STAP1: variants seen among roughly 807,000 people sequenced by gnomAD.
STAP1 encodes the protein signal transducing adaptor family member 1.
In STAP1, 30 loss-of-function variants were observed where a neutral mutation model predicts 37.8. The ratio of observed to expected loss-of-function variants is 0.79; its 90% confidence interval spans 0.59 to 1.08. The LOEUF is 1.08. Ranked by LOEUF, STAP1 falls within the 50% of genes least tolerant of loss-of-function variation. STAP1 has a pLI of 0.00. For synonymous variants in STAP1, 130 were observed against 116.0 expected, an observed-to-expected ratio of 1.12 and a Z score of -0.78; for missense variants, 357 against 349.4, an observed-to-expected ratio of 1.02 and a Z score of -0.17.
intron 8 of STAP1, among the ~76,000 whole-genome samples, chr4:67,605,201 T>C (rs964652169): frequency 1.3e-5 from 2 of 152,056 alleles, no homozygotes; most frequent in Non-Finnish European, 1.5e-5. Context: ...TCCAAGAAAG[T>C]TAGAGATAAG....
intron 5 of STAP1, 87 bp from the exon 6 acceptor site, chr4:67,583,487 C>T: frequency 7.1e-7 from 1 of 1,401,884 alleles, no homozygotes; most frequent in Middle Eastern, 2.5e-4. Flanking sequence ...AACTGCAGCT[C>T]TCAAAGTTAT....
At chr4:67,592,673 G>A (rs1024661284) in intron 7 of STAP1, among the ~76,000 whole-genome samples, 1 of 152,090 alleles carries the variant, frequency 6.6e-6, no homozygotes. Flanking sequence ...GCTAACTTGA[G>A]TCACATTTTT....
intron 4 of STAP1, among the ~76,000 whole-genome samples, chr4:67,579,528 C>A (rs190187083): frequency 1.2e-4 from 19 of 152,130 alleles, no homozygotes; most frequent in African/African-American, 4.6e-4. Flanking sequence ...CCTGGTTCTG[C>A]AGGCTGTACA....
intron 1 of STAP1, among the ~76,000 whole-genome samples, chr4:67,560,147 G>A (rs1480876387): frequency 6.6e-6 from 1 of 152,174 alleles, no homozygotes; most frequent in Non-Finnish European, 1.5e-5. Flanking sequence ...TATAATAACT[G>A]TTTATGATAG....
At chr4:67,604,887 T>G (rs900792) in intron 8 of STAP1, among the ~76,000 whole-genome samples, 5,541 of 152,280 alleles carry the variant, frequency 0.036, 196 homozygotes, top group East Asian at 0.19. Context: ...TTATGCTGTT[T>G]TGGGTCTGTA....
At chr4:67,560,647 T>TGTGTGGGG (rs1394900268) in intron 1 of STAP1, among the ~76,000 whole-genome samples, 3 of 150,698 alleles carry the variant, frequency 2.0e-5, no homozygotes, top group Non-Finnish European at 4.4e-5. Flanking sequence ...TGTGTGGGTG[T>TGTGTGGGG]GTGTCTGTGT....
At chr4:67,591,413 A>C (rs1728116624) in intron 7 of STAP1, among the ~76,000 whole-genome samples, 1 of 152,206 alleles carries the variant, frequency 6.6e-6, no homozygotes, top group Non-Finnish European at 1.5e-5. Flanking sequence ...GGGGCTAATG[A>C]TATAGCTAAG....
At chr4:67,595,000 T>C (rs7673935) in intron 8 of STAP1, among the ~76,000 whole-genome samples, 23,090 of 152,050 alleles carry the variant, frequency 0.15, 3,009 homozygotes, top group African/African-American at 0.35. Context: ...TCTTTTCATT[T>C]TTTTAACAGT....
Position 67,595,372 on chromosome 4 carries a change from C to CAAAAA in STAP1, c.826+2041_826+2045dup, listed in dbSNP as rs34185676. Among the ~76,000 whole-genome samples, 34 of 87,788 alleles carry CAAAAA rather than the reference C, an allele frequency of 3.9e-4. 1 individual carries two copies. Among genetic ancestry groups the CAAAAA allele is most frequent in the African/African-American group, 1.4e-3 (31 of 21,952 alleles). 57.6% of individuals were successfully genotyped at this position (87,788 alleles called of 152,430 possible). A position where few individuals can be genotyped will look rare whatever the true frequency, so the allele number is the denominator to read the frequency against. ...GCAACATAGGGAGACTTCGTTTCTACAAAAAAAAAAAAAAAAAAAAAAAAA... is the reference window on the plus strand; with the variant it reads ...GCAACATAGGGAGACTTCGTTTCTACAAAAAAAAAAAAAAAAAAAAAAAAAAAAAA... On this transcript the variant is annotated intron_variant, in intron 8 of 8. Coordinates refer to ENST00000265404, the MANE Select transcript of STAP1 (RefSeq NM_012108.4).
At chr4:67,593,229 C>A in intron 7 of STAP1, 31 bp from the exon 8 acceptor site, 1 of 1,506,998 alleles carries the variant, frequency 6.6e-7, no homozygotes, top group South Asian at 1.2e-5. Flanking sequence ...GCAGGTGATG[C>A]TGAGTTTTCT....
chr4:67,569,097 A>G (rs190436896), intron 1 of STAP1, among the ~76,000 whole-genome samples: 3 of 152,352 alleles, frequency 2.0e-5, no homozygotes, highest in East Asian at 1.9e-4. Flanking sequence ...CACCTAGGCT[A>G]TATGATATAG....
In STAP1 at chr4:67,590,865, A is replaced by G. The variant is rs1406728933; in HGVS notation, c.660-19A>G. ...CAATTGTATAATAAAATGGAGACTA[A>G]CCATTTGTTTCATTGTAGCATTCCA... On this transcript the variant is annotated intron_variant, in intron 6 of 8. Transcript: ENST00000265404. 1 of 1,587,718 alleles carries G rather than the reference A, an allele frequency of 6.3e-7. No individual in the cohort carries two copies. The highest frequency in any genetic ancestry group is 1.1e-5 in the South Asian group (1 of 89,124).
chr4:67,565,705 G>A (rs752337666), intron 1 of STAP1, among the ~76,000 whole-genome samples: 9 of 151,984 alleles, frequency 5.9e-5, no homozygotes, highest in Non-Finnish European at 1.0e-4. Flanking sequence ...GCAGGAGGTG[G>A]TGTTGTGTTT....
At chr4:67,561,666 G>C (rs920122536) in intron 1 of STAP1, among the ~76,000 whole-genome samples, 1 of 152,212 alleles carries the variant, frequency 6.6e-6, no homozygotes, top group Non-Finnish European at 1.5e-5. Flanking sequence ...AATTAACCAG[G>C]AAGATGTGTT....
intron 8 of STAP1, among the ~76,000 whole-genome samples, chr4:67,596,234 GCT>G (rs1364422964): frequency 6.6e-6 from 1 of 152,062 alleles, no homozygotes; most frequent in Non-Finnish European, 1.5e-5. Flanking sequence ...TTTTCCCTGT[GCT>G]CTCTCTTTCC....
intron 7 of STAP1, 52 bp from the exon 8 acceptor site, chr4:67,593,208 T>C: frequency 7.5e-7 from 1 of 1,328,048 alleles, no homozygotes; most frequent in Non-Finnish European, 1.1e-6. Context: ...CTTCTCTTAC[T>C]CTATACTTAT....
rs58025483 is a variant in STAP1, at chr4:67,604,920, G to C, written c.827-1376G>C. Among the ~76,000 whole-genome samples, 15 of 152,284 alleles carry C rather than the reference G, an allele frequency of 9.9e-5. No homozygotes were observed. The East Asian group carries it at 2.9e-3, about 29-fold the overall frequency. On this transcript the variant is annotated intron_variant, in intron 8 of 8. Transcript: ENST00000265404. ...GTATTCAGCCTGGGACTTGGTTGTG[G>C]TTTATGCCTTAGTTTAGCTGTCAAC...
At chr4:67,559,779 T>G (rs1225441917) in intron 1 of STAP1, among the ~76,000 whole-genome samples, 1 of 152,128 alleles carries the variant, frequency 6.6e-6, no homozygotes, top group Non-Finnish European at 1.5e-5. Context: ...TCAGAAATGT[T>G]TAATGATGCT....
chr4:67,584,249 C>G (rs1174015044), intron 6 of STAP1, among the ~76,000 whole-genome samples: 1 of 152,006 alleles, frequency 6.6e-6, no homozygotes, highest in Non-Finnish European at 1.5e-5. Context: ...TTCATTCATT[C>G]AATTCAACAA....
Sources: gnomAD v4.1 joint callset for allele counts (sites outside exome capture counted in the v4.1 genomes callset) on GRCh38, gnomAD v4.1.1 for gene constraint, MANE v1.5 for transcripts, NCBI Gene and HGNC (gene_info 2026-07-23, HGNC 2026-07-21) for gene names.